Variants in MATR3 observed in about 807,000 individuals in gnomAD.
The protein encoded by MATR3 is matrin-3.
MATR3 carries 4 observed loss-of-function variants against 85.5 expected under a neutral mutation model. That is an observed-to-expected ratio of 0.05 (90% CI 0.02 to 0.11). MATR3 has a LOEUF of 0.11. MATR3 is among the 10% of genes least tolerant of loss of function. MATR3 has a pLI of 1.00. For synonymous variants in MATR3, 336 were observed against 343.1 expected, an observed-to-expected ratio of 0.98 and a Z score of 0.23; for missense variants, 685 against 1,016.1, an observed-to-expected ratio of 0.67 and a Z score of 4.43.
rs1261252930 is a variant in MATR3 at position 139,322,816 on chromosome 5, C to T, written c.1997C>T (p.Ala666Val). The change falls in exon 12 of 15, where the codon GCA becomes GTA. Residue 666 changes from alanine to valine, a missense_variant. Physicochemically the swap from Ala to Val is moderately conservative, Grantham distance 64 (BLOSUM62 0). Transcript: ENST00000394805. Reference protein sequence around the residue: ...DELLVDEEEAAALLESGSSVG... With the variant: ...DELLVDEEEAVALLESGSSVG... ...CTACTTGTAGATGAAGAAGAAGCAGCAGCACTGCTAGAAAGTGGCAGTTCA... is the reference window on the plus strand; with the variant it reads ...CTACTTGTAGATGAAGAAGAAGCAGTAGCACTGCTAGAAAGTGGCAGTTCA... 1.9e-6 allele frequency: 3 copies of T among 1,614,088 alleles called. No homozygotes were observed. In the Admixed American group the frequency reaches 5.0e-5, roughly 27 times the overall value.
chr5:139,316,028 A>G (rs370154180), intron 4 of MATR3, 48 bp from the exon 5 acceptor site: 3 of 1,343,490 alleles, frequency 2.2e-6, no homozygotes, highest in Non-Finnish European at 3.2e-6. Flanking sequence ...AATTCTTTCC[A>G]ATGGACCTCT....
At chr5:139,274,251 C>A (rs79369603) in intron 1 of MATR3, 7,204 of 355,714 alleles carry the variant, frequency 0.02, 104 homozygotes, top group Non-Finnish European at 0.028. Context: ...GGGCACGGGA[C>A]GAAATTGGGG....
intron 14 of MATR3, among the ~76,000 whole-genome samples, chr5:139,328,686 G>A (rs1205308045): frequency 6.6e-6 from 1 of 152,180 alleles, no homozygotes; most frequent in Non-Finnish European, 1.5e-5. Flanking sequence ...GCAAGAAAAT[G>A]TTTGTTCAGG....
chr5:139,318,015 C>T (rs1464640385), intron 7 of MATR3, among the ~76,000 whole-genome samples: 2 of 152,146 alleles, frequency 1.3e-5, no homozygotes, highest in Non-Finnish European at 2.9e-5. Context: ...ATGATGGTTT[C>T]AAGTCATTAT....
chr5:139,318,967 C>G lies in MATR3; in HGVS notation c.1368C>G (p.Thr456=). The change falls in exon 8 of 15, where the codon ACC becomes ACG. Residue 456 remains threonine, a synonymous_variant. Transcript: ENST00000394805. ...AGGCCGCAGTGGATTATTACACAACCACACCAGCGTTAGTATTTGGCAAGC... is the reference window on the plus strand; with the variant it reads ...AGGCCGCAGTGGATTATTACACAACGACACCAGCGTTAGTATTTGGCAAGC... The part of the protein sequence containing the change: ...DAQAAVDYYT[T]TPALVFGKPV... 1 of 1,613,880 alleles carries G rather than the reference C, an allele frequency of 6.2e-7. No individual in the cohort carries two copies. Among genetic ancestry groups the G allele is most frequent in the East Asian group, 2.2e-5 (1 of 44,884 alleles).
intron 2 of MATR3, among the ~76,000 whole-genome samples, chr5:139,276,923 T>C (rs926716868): frequency 2.0e-5 from 3 of 152,190 alleles, no homozygotes; most frequent in Non-Finnish European, 4.4e-5. Flanking sequence ...AAATATTGAT[T>C]GAGGGGGCTC....
chr5:139,310,641 T>G (rs1243900573), intron 2 of MATR3: 9 of 152,190 alleles, frequency 5.9e-5, no homozygotes, highest in African/African-American at 2.2e-4. Context: ...TTAAATAGTC[T>G]ACATGATCAA....
In MATR3 at chr5:139,331,040, T is replaced by C. The variant is rs1222129887; in HGVS notation, c.*1645T>C. 2 of 453,994 alleles carry C rather than the reference T, an allele frequency of 4.4e-6. No homozygotes were observed. The highest frequency in any genetic ancestry group is 1.4e-4 in the East Asian group (2 of 14,394). 28.1% of individuals were successfully genotyped at this position (453,994 alleles called of 1,614,324 possible). On this transcript the variant is annotated 3_prime_UTR_variant, in exon 15 of 15. Coordinates refer to ENST00000394805, the MANE Select transcript of MATR3 (RefSeq NM_018834.6). ...TCCTGGGCCCAAGTGATCTGCTCGC[T>C]TCAGCCTCCCAAAGTGCTGGGACTG...
Position 139,317,124 on chromosome 5 carries a change from GGTTTTACT to G in MATR3, c.1182+22_1182+29del. 1 of 1,598,532 alleles carries G rather than the reference GGTTTTACT, an allele frequency of 6.3e-7. No individual in the cohort carries two copies. Reference sequence around the variant, plus strand: ...CAGAGTGGTCAGTAATGAAGCTTTTGGTTTTACTGTATTTATGATTTTTGGGAATATGA... The same window carrying G: ...CAGAGTGGTCAGTAATGAAGCTTTTGGTATTTATGATTTTTGGGAATATGA... On this transcript the variant is annotated intron_variant, in intron 6 of 14. Coordinates refer to ENST00000394805, the MANE Select transcript of MATR3 (RefSeq NM_018834.6).
At position 139,315,697 on chromosome 5, in the gene MATR3, C is replaced by T. The variant is rs1475279586; in HGVS notation, c.975C>T (p.Ile325=). Residue 325 remains isoleucine, a splice_region_variant and synonymous_variant, in exon 4 of 15, where the codon ATC becomes ATT. Transcript: ENST00000394805. ...AGTTAATTTTCTGGTCTTTTTAAAG[C>T]TACCCAGAATGGAATCCTGACAATG... ...HSRRCQLLLE[I]YPEWNPDNDT... is the part of the protein sequence containing the mutation. 6.2e-7 allele frequency: 1 copy of T among 1,608,814 alleles called. No individual in the cohort carries two copies.
At chr5:139,282,985 C>G (rs975853156) in intron 3 of MATR3, 5 of 152,374 alleles carry the variant, frequency 3.3e-5, no homozygotes, top group Admixed American at 2.6e-4. Flanking sequence ...CATGAGCCAC[C>G]GTGCCCGGCT....
intron 2 of MATR3, chr5:139,312,961 A>G (rs1755064379): frequency 6.6e-6 from 1 of 151,398 alleles, no homozygotes; most frequent in South Asian, 2.1e-4. Flanking sequence ...CTTTCACAGG[A>G]TTTTAGATAA....
At chr5:139,324,131 A>G (rs1755718739) in intron 12 of MATR3, among the ~76,000 whole-genome samples, 2 of 152,176 alleles carry the variant, frequency 1.3e-5, no homozygotes, top group Non-Finnish European at 2.9e-5. Flanking sequence ...GTTTAAATTT[A>G]TTAATTTAAT....
chr5:139,312,401 A>G (rs1267306274), intron 2 of MATR3: 3 of 152,002 alleles, frequency 2.0e-5, no homozygotes. Flanking sequence ...CCCGGCCCTT[A>G]CAAGCCATTT....
chr5:139,285,673 CAAAA>C (rs937193075), intron 3 of MATR3, among the ~76,000 whole-genome samples: 1 of 150,758 alleles, frequency 6.6e-6, no homozygotes. Flanking sequence ...AACTCCGTCT[CAAAA>C]AAAAGAATTA....
chr5:139,290,753 A>G (rs1753847271), upstream of MATR3, among the ~76,000 whole-genome samples: 1 of 151,800 alleles, frequency 6.6e-6, no homozygotes, highest in Non-Finnish European at 1.5e-5. Flanking sequence ...GTCTGGCTTT[A>G]AGTTTATTTT....
At chr5:139,308,428 TC>T in intron 2 of MATR3, 101 bp downstream of exon 2, 1 of 1,424,762 alleles carries the variant, frequency 7.0e-7, no homozygotes, top group South Asian at 1.2e-5. Context: ...ATTGAGTTGA[TC>T]AAGCATTTTT....
At position 139,307,601 on chromosome 5, in the gene MATR3, T is replaced by C; in HGVS notation, c.186T>C (p.Ser62=). 2 of 1,614,206 alleles carry C rather than the reference T, an allele frequency of 1.2e-6. No homozygotes were observed. The highest frequency in any genetic ancestry group is 2.7e-5 in the African/African-American group (2 of 75,054). Residue 62 remains serine (S), a synonymous_variant, in exon 2 of 15, where the codon TCT becomes TCC. Coordinates refer to ENST00000394805, the MANE Select transcript of MATR3 (RefSeq NM_018834.6). This position sits in a 1 kb window ranked among gnomAD's most constrained non-coding sequence, Gnocchi z 4.4. Reference sequence around the variant, plus strand: ...GTTTAATGAATCTTGGAATGAGTTCTTCATTGAATCAACAAGGAGCTCATA... The same window carrying C: ...GTTTAATGAATCTTGGAATGAGTTCCTCATTGAATCAACAAGGAGCTCATA... ...LASLMNLGMS[S]SLNQQGAHSA...
rs370556662 is a variant in MATR3, at chr5:139,317,686, A to G, written c.1273A>G (p.Ile425Val). The change falls in exon 7 of 15, where the codon ATT (isoleucine) becomes GTT (valine). Residue 425 changes from isoleucine to valine, a missense_variant. Around this residue, in one of 9 missense-constraint regions of MATR3, gnomAD observed 32 missense variants for 88.0 expected, o/e 0.36. Transcript: ENST00000394805. The stretch of plus-strand genomic sequence containing the variant: ...ACAGCTGGTAGAACCATTTGGAGTC[A>G]TTTCAAATCATCTGATTCTAAATAA... ...LLQLVEPFGVISNHLILNKIN... is the reference protein window; with the variant it reads ...LLQLVEPFGVVSNHLILNKIN... The G allele has an allele frequency of 5.6e-6, 9 of 1,609,272 alleles. No individual in the cohort carries two copies. The highest frequency in any genetic ancestry group is 1.3e-5 in the African/African-American group (1 of 74,840).
Sources: allele counts gnomAD v4.1 joint callset (sites outside exome capture counted in the v4.1 genomes callset), GRCh38; gene constraint gnomAD v4.1.1; regional missense constraint gnomAD v4.1.1; non-coding constraint Gnocchi (gnomAD v3.1); transcripts MANE v1.5; gene names NCBI Gene and HGNC (gene_info 2026-07-23, HGNC 2026-07-21).